PIBF1: variants seen among roughly 807,000 people sequenced by gnomAD.
The protein encoded by PIBF1 is progesterone-induced-blocking factor 1.
A neutral mutation model predicts 112.5 loss-of-function variants in PIBF1; 90 were observed. The observed-to-expected ratio is 0.80, with a 90% CI of 0.67 to 0.95. The LOEUF (loss-of-function observed/expected upper bound fraction) is 0.95, where lower values mean the gene tolerates loss of function less well. Ranked by LOEUF, PIBF1 falls within the 40% of genes least tolerant of loss-of-function variation. The probability of loss-of-function intolerance (pLI) is 0.00; values close to 1 mark genes in which losing one functional copy is unlikely to be tolerated. For synonymous variants in PIBF1, 301 were observed against 288.6 expected, an observed-to-expected ratio of 1.04 and a Z score of -0.44; for missense variants, 915 against 852.3, an observed-to-expected ratio of 1.07 and a Z score of -0.92.
chr13:72,869,820 CATAT>C (rs1181953412), intron 10 of PIBF1, among the ~76,000 whole-genome samples: 1 of 150,928 alleles, frequency 6.6e-6, no homozygotes, highest in Non-Finnish European at 1.5e-5. Flanking sequence ...CACACACACA[CATAT>C]ATATATATCT....
intron 10 of PIBF1, among the ~76,000 whole-genome samples, chr13:72,876,316 A>C (rs779534403): frequency 1.6e-4 from 25 of 151,738 alleles, no homozygotes. Flanking sequence ...TGCCAATACC[A>C]CACTGTCCTG....
intron 4 of PIBF1, among the ~76,000 whole-genome samples, chr13:72,797,362 A>T (rs1020230326): frequency 1.3e-5 from 2 of 152,206 alleles, no homozygotes; most frequent in African/African-American, 4.8e-5. Flanking sequence ...ACAGGCAATA[A>T]CTTAAAAATT....
At chr13:72,922,066 A>C (rs985781216) in intron 13 of PIBF1, among the ~76,000 whole-genome samples, 4 of 151,974 alleles carry the variant, frequency 2.6e-5, no homozygotes, top group Non-Finnish European at 5.9e-5. Flanking sequence ...TCTCATCTCA[A>C]ACTCCTGGGC....
At chr13:72,908,491 G>A (rs1460395988) in intron 11 of PIBF1, 40 bp from the exon 12 acceptor site, 2 of 1,471,884 alleles carry the variant, frequency 1.4e-6, no homozygotes, top group South Asian at 1.3e-5. Context: ...CTGTGCACCT[G>A]TTTAATTCTG....
intron 1 of PIBF1, among the ~76,000 whole-genome samples, chr13:72,782,590 C>T (rs2034333225): frequency 6.6e-6 from 1 of 152,174 alleles, no homozygotes; most frequent in African/African-American, 2.4e-5. Flanking sequence ...CTTTCCTTAT[C>T]ATTCAGTTTA....
At chr13:72,904,912 G>T (rs1228823309) in intron 11 of PIBF1, among the ~76,000 whole-genome samples, 1 of 151,894 alleles carries the variant, frequency 6.6e-6, no homozygotes, top group African/African-American at 2.4e-5. Context: ...ATAAAGGGGG[G>T]TTGTTAACTA....
intron 10 of PIBF1, among the ~76,000 whole-genome samples, chr13:72,892,751 T>A (rs1481166517): frequency 3.3e-5 from 5 of 149,688 alleles, no homozygotes; most frequent in Non-Finnish European, 7.4e-5. Flanking sequence ...TTCTTCTCCC[T>A]AGAATACTTC....
At chr13:72,798,709 C>CA (rs2035317045) in intron 5 of PIBF1, among the ~76,000 whole-genome samples, 1 of 151,802 alleles carries the variant, frequency 6.6e-6, no homozygotes, top group East Asian at 1.9e-4. Context: ...AGTCTACTAA[C>CA]AAAAAAATAA....
chr13:72,953,801 C>CA (rs1472430751), intron 14 of PIBF1, among the ~76,000 whole-genome samples: 2 of 152,086 alleles, frequency 1.3e-5, no homozygotes. Flanking sequence ...GTGGTGCTTG[C>CA]AAAAGAGTAC....
chr13:73,002,684 G>A (rs2043908616), intron 17 of PIBF1, among the ~76,000 whole-genome samples: 1 of 151,950 alleles, frequency 6.6e-6, no homozygotes, highest in Admixed American at 6.6e-5. Context: ...TAGATTGTAA[G>A]CATTAAAACA....
In PIBF1 at chr13:72,908,563, C is replaced by G. The variant is rs1162915830; in HGVS notation, c.1521C>G (p.Ala507=). 1 of 1,612,368 alleles carries G rather than the reference C, an allele frequency of 6.2e-7. No individual in the cohort carries two copies. The highest frequency in any genetic ancestry group is 8.5e-7 in the Non-Finnish European group (1 of 1,178,914). ...CCAAAGAATTTTATAGTCTCCAAGC[C>G]TCTTCTGAAAAACGCATTACTGAAC... ...VLTKEFYSLQ[A]SSEKRITELQ... The change falls in exon 12 of 18, where the codon GCC becomes GCG. Residue 507 remains alanine, a synonymous_variant. Transcript: ENST00000326291.
intron 14 of PIBF1, among the ~76,000 whole-genome samples, chr13:72,958,828 G>A (rs1408565365): frequency 1.3e-5 from 2 of 152,106 alleles, no homozygotes; most frequent in South Asian, 2.1e-4. Flanking sequence ...AATGATTTAC[G>A]TACTAATTTG....
intron 2 of PIBF1, 137 bp downstream of exon 2, chr13:72,783,858 T>A (rs1415911339): frequency 2.2e-6 from 2 of 908,350 alleles, no homozygotes; most frequent in Non-Finnish European, 3.3e-6. Context: ...CTTTAAATAA[T>A]TTTGGTGTTC....
chr13:72,887,370 G>A (rs1428586060), intron 10 of PIBF1, among the ~76,000 whole-genome samples: 1 of 151,766 alleles, frequency 6.6e-6, no homozygotes, highest in African/African-American at 2.4e-5. Flanking sequence ...CATAAAACTT[G>A]TATACTTTTT....
intron 10 of PIBF1, among the ~76,000 whole-genome samples, chr13:72,871,080 C>T (rs1181337133): frequency 1.3e-5 from 2 of 152,074 alleles, no homozygotes; most frequent in African/African-American, 4.8e-5. Flanking sequence ...TGATTGGTAA[C>T]TATGGCCTGA....
intron 12 of PIBF1, among the ~76,000 whole-genome samples, chr13:72,911,195 A>G (rs943176885): frequency 6.6e-6 from 1 of 151,772 alleles, no homozygotes; most frequent in Admixed American, 6.6e-5. Flanking sequence ...TCTCCTCCAC[A>G]AAAAAAAGAA....
chr13:73,003,443 C>T (rs1172247130), intron 17 of PIBF1, among the ~76,000 whole-genome samples: 3 of 151,806 alleles, frequency 2.0e-5, no homozygotes, highest in Non-Finnish European at 4.4e-5. Context: ...TTTGTAGAGA[C>T]GGGGTTTCAC....
At chr13:72,852,594 C>G (rs187369054) in intron 9 of PIBF1, among the ~76,000 whole-genome samples, 1 of 152,154 alleles carries the variant, frequency 6.6e-6, no homozygotes, top group Admixed American at 6.5e-5. Flanking sequence ...CGGGCAAAGG[C>G]GCCACTGGCC....
At chr13:72,800,146 G>A (rs543577358) in intron 5 of PIBF1, among the ~76,000 whole-genome samples, 30 of 152,104 alleles carry the variant, frequency 2.0e-4, no homozygotes, top group Non-Finnish European at 3.8e-4. Flanking sequence ...AGTGATTCTC[G>A]TGCTTTAGCC....
Sources: allele counts gnomAD v4.1 joint callset (sites outside exome capture counted in the v4.1 genomes callset), GRCh38; gene constraint gnomAD v4.1.1; transcripts MANE v1.5; gene names NCBI Gene and HGNC (gene_info 2026-07-23, HGNC 2026-07-21).